The following USP47 variants were observed in gnomAD, a reference collection of about 807,000 sequenced individuals.
USP47 encodes the protein ubiquitin carboxyl-terminal hydrolase 47.
Under a neutral mutation model 165.1 loss-of-function variants are expected in USP47, and 35 were observed. The observed-to-expected ratio is 0.21, with a 90% CI of 0.16 to 0.28. The LOEUF (loss-of-function observed/expected upper bound fraction) is 0.28. Among genes scored for constraint, USP47 ranks in the 10% least tolerant of loss-of-function variants. The pLI is 1.00. For missense variants in USP47, 1,277 were observed against 1,607.4 expected (o/e 0.79, Z 3.52); for synonymous variants, 531 against 544.5 (o/e 0.98, Z 0.35).
intron 8 of USP47, among the ~76,000 whole-genome samples, chr11:11,907,116 C>T (rs1852623495): frequency 6.6e-6 from 1 of 152,072 alleles, no homozygotes; most frequent in Non-Finnish European, 1.5e-5. Flanking sequence ...ATTATTTATT[C>T]ACCTGCTGAT....
Position 11,957,655 on chromosome 11 carries a change from C to A in USP47, c.*1480C>A, listed in dbSNP as rs1847266298. 1 of 152,394 alleles carries A rather than the reference C, an allele frequency of 6.6e-6. No homozygotes were observed. Among genetic ancestry groups the A allele is most frequent in the Non-Finnish European group, 1.5e-5 (1 of 67,982 alleles). The allele number at this position is 152,394 out of a possible 1,614,324, so 9.4% of individuals were successfully genotyped here. A position where few individuals can be genotyped will look rare whatever the true frequency, so the allele number is the denominator to read the frequency against. ...ATAAAGGTATATTTACAGTAAAGTTCTCATAAGAGAAATGAAAAGCTGTGT... is the reference window on the plus strand; with the variant it reads ...ATAAAGGTATATTTACAGTAAAGTTATCATAAGAGAAATGAAAAGCTGTGT... On this transcript the variant is annotated 3_prime_UTR_variant, in exon 28 of 28. Coordinates refer to ENST00000527733, the MANE Select transcript of USP47 (RefSeq NM_001282659.2).
intron 15 of USP47, 39 bp downstream of exon 15, chr11:11,933,155 T>C (rs757394525): frequency 6.5e-7 from 1 of 1,549,356 alleles, no homozygotes; most frequent in South Asian, 1.1e-5. Flanking sequence ...GAAAGTGCTA[T>C]TTTTAAGCTC....
chr11:11,951,321 A>G (rs1564895866), intron 24 of USP47: 2 of 152,226 alleles, frequency 1.3e-5, no homozygotes, highest in South Asian at 4.1e-4. Context: ...CTATTTCCAA[A>G]TAAGGTCACA....
chr11:11,903,418 TG>T, intron 7 of USP47, 76 bp downstream of exon 7: 1 of 1,414,530 alleles, frequency 7.1e-7, no homozygotes, highest in Non-Finnish European at 9.8e-7. Context: ...TTTATTCTGT[TG>T]GAATGTTTTA....
intron 1 of USP47, among the ~76,000 whole-genome samples, chr11:11,860,534 A>G (rs1176604588): frequency 6.6e-6 from 1 of 152,222 alleles, no homozygotes; most frequent in South Asian, 2.1e-4. Flanking sequence ...AGAATGTAAT[A>G]TTCTTAAGAA....
chr11:11,923,882 C>T (rs926111334), intron 11 of USP47, among the ~76,000 whole-genome samples: 1 of 152,232 alleles, frequency 6.6e-6, no homozygotes, highest in Non-Finnish European at 1.5e-5. Flanking sequence ...GGCATTCTAG[C>T]AGGAGTTGGC....
chr11:11,935,579 C>T (rs911637091), intron 16 of USP47, among the ~76,000 whole-genome samples: 1 of 151,818 alleles, frequency 6.6e-6, no homozygotes, highest in East Asian at 1.9e-4. Flanking sequence ...AATGGGGATA[C>T]GCTGAGGCTT....
chr11:11,954,883 GTTTTATTTTACAGC>G lies in USP47; in HGVS notation c.3715-11_3717del. 2 of 1,610,204 alleles carry G rather than the reference GTTTTATTTTACAGC, an allele frequency of 1.2e-6. No individual in the cohort carries two copies. Among genetic ancestry groups the G allele is most frequent in the Non-Finnish European group, 1.7e-6 (2 of 1,178,704 alleles). On this transcript the variant is annotated splice_acceptor_variant and splice_polypyrimidine_tract_variant and coding_sequence_variant and intron_variant, in exon 26 of 28. Coordinates refer to ENST00000527733, the MANE Select transcript of USP47 (RefSeq NM_001282659.2). LOFTEE classifies it high-confidence loss of function. ...TTTTTTAAATGAACTCAAATAAAATGTTTTATTTTACAGCTTAGTGAAATCAGTGGGATTCCTTT... is the reference window on the plus strand; with the variant it reads ...TTTTTTAAATGAACTCAAATAAAATGTTAGTGAAATCAGTGGGATTCCTTT...
intron 1 of USP47, among the ~76,000 whole-genome samples, chr11:11,877,252 G>A (rs1423909554): frequency 6.6e-6 from 1 of 152,106 alleles, no homozygotes; most frequent in East Asian, 1.9e-4. Flanking sequence ...GGGGAAAGGA[G>A]GAGAGAAATT....
In USP47 at chr11:11,952,835, A is replaced by G. The variant is rs1247489432; in HGVS notation, c.3678A>G (p.Val1226=). ...AGTTGGATCCCTTCCAGGAGGTTGT[A>G]TTGGAAAGCAGTAGTGTGGACGAAT... ...EMKLDPFQEV[V]LESSSVDELR... is the part of the protein sequence containing the mutation. The change falls in exon 25 of 28, where the codon GTA becomes GTG. Residue 1226 remains valine, a synonymous_variant. Transcript: ENST00000527733. 1 of 1,612,322 alleles carries G rather than the reference A, an allele frequency of 6.2e-7. No individual in the cohort carries two copies. The highest frequency in any genetic ancestry group is 1.3e-5 in the African/African-American group (1 of 74,900).
intron 5 of USP47, among the ~76,000 whole-genome samples, chr11:11,899,603 G>GCCTC (rs1199420529): frequency 6.6e-6 from 1 of 152,056 alleles, no homozygotes; most frequent in Admixed American, 6.5e-5. Context: ...GACAGTAAGG[G>GCCTC]CCTCCCTGAG....
At chr11:11,935,887 A>G (rs1017817801) in intron 16 of USP47, among the ~76,000 whole-genome samples, 5 of 152,046 alleles carry the variant, frequency 3.3e-5, no homozygotes, top group Middle Eastern at 3.4e-3. Context: ...TAGTTACATG[A>G]ATTATCAATT....
At chr11:11,954,216 C>T (rs1201829596) in intron 25 of USP47, among the ~76,000 whole-genome samples, 3 of 152,072 alleles carry the variant, frequency 2.0e-5, no homozygotes, top group African/African-American at 7.2e-5. Context: ...CACCACTGCA[C>T]TCCAGTCTAG....
intron 8 of USP47, among the ~76,000 whole-genome samples, chr11:11,912,809 T>C (rs1020669073): frequency 4.6e-5 from 7 of 152,140 alleles, no homozygotes; most frequent in East Asian, 1.9e-4. Context: ...AAAAGAATTA[T>C]ATATTGTGAC....
intron 1 of USP47, among the ~76,000 whole-genome samples, chr11:11,871,737 C>A (rs1212040643): frequency 6.6e-6 from 1 of 151,988 alleles, no homozygotes; most frequent in Non-Finnish European, 1.5e-5. Flanking sequence ...TCCTGCCCTG[C>A]GAGTTGTAGC....
chr11:11,892,163 G>T (rs1342517535), intron 4 of USP47, 57 bp downstream of exon 4: 13 of 1,538,574 alleles, frequency 8.4e-6, no homozygotes, highest in Middle Eastern at 1.8e-4. Context: ...AGTAATCTTA[G>T]CGATTTGAAG....
chr11:11,949,801 A>G, intron 22 of USP47, 88 bp from the exon 23 acceptor site: 1 of 877,602 alleles, frequency 1.1e-6, no homozygotes. Context: ...TGCAAATAAA[A>G]TGTTTTGGTA....
In USP47 at chr11:11,960,567, C is replaced by A. The variant is rs1024137550; in HGVS notation, c.*4392C>A. On this transcript the variant is annotated 3_prime_UTR_variant, in exon 28 of 28. Coordinates refer to ENST00000527733, the MANE Select transcript of USP47 (RefSeq NM_001282659.2). ...AAAAGTTCCCCTCAGAAGTTTCAGC[C>A]AAGGGAATAAAATCTAACCTCTCCT... Among the ~76,000 whole-genome samples the A allele has an allele frequency of 6.6e-6, 1 of 152,166 alleles. No homozygotes were observed. The highest frequency in any genetic ancestry group is 1.5e-5 in the Non-Finnish European group (1 of 68,022).
intron 7 of USP47, among the ~76,000 whole-genome samples, chr11:11,903,971 A>G (rs1852387286): frequency 6.6e-6 from 1 of 152,142 alleles, no homozygotes; most frequent in Admixed American, 6.6e-5. Flanking sequence ...GAAGGGTCTG[A>G]TATCTGATTG....
Sources: gnomAD v4.1 joint callset for allele counts (sites outside exome capture counted in the v4.1 genomes callset) on GRCh38, gnomAD v4.1.1 for gene constraint, MANE v1.5 for transcripts, NCBI Gene and HGNC (gene_info 2026-07-23, HGNC 2026-07-21) for gene names.